PCDHA5: variants seen among roughly 807,000 people sequenced by gnomAD.
PCDHA5 encodes the protein protocadherin alpha 5.
In PCDHA5, 43 loss-of-function variants were observed where a neutral mutation model predicts 61.6. That is an observed-to-expected ratio of 0.70 (90% CI 0.55 to 0.90). The LOEUF (loss-of-function observed/expected upper bound fraction) is 0.90, where lower values mean the gene tolerates loss of function less well. Among genes scored for constraint, PCDHA5 ranks in the 40% least tolerant of loss-of-function variants. The probability of loss-of-function intolerance (pLI) is 0.00; values close to 1 mark genes in which losing one functional copy is unlikely to be tolerated. For missense variants in PCDHA5, 1,298 were observed against 1,222.7 expected (o/e 1.06, Z -0.92); for synonymous variants, 627 against 543.9 (o/e 1.15, Z -2.13).
rs560485194 is a variant in PCDHA5 at position 140,872,763 on chromosome 5, G to A, written c.2352+48636G>A. ...AACTTGCTAAAGACATGCATATAGG[G>A]CTATATTATCTATAATATATGCTAG... On this transcript the variant is annotated intron_variant, in intron 1 of 3. Coordinates refer to ENST00000529859, the MANE Select transcript of PCDHA5 (RefSeq NM_018908.3). 2.0e-5 allele frequency among the ~76,000 whole-genome samples: 3 copies of A among 152,126 alleles called. No homozygotes were observed. The South Asian group carries it at 6.2e-4, about 32-fold the overall frequency.
chr5:140,828,622 C>T lies in PCDHA5; in HGVS notation c.2352+4495C>T. 7.4e-6 allele frequency: 12 copies of T among 1,614,144 alleles called. 1 individual carries two copies. In the South Asian group the frequency reaches 1.3e-4, roughly 18 times the overall value. On this transcript the variant is annotated intron_variant, in intron 1 of 3. Transcript: ENST00000529859. ...CCTATAAACTCAGTTCTAGCGAATA[C>T]TTCGGGCTAGATGTGAAAATAAACA...
chr5:140,968,798 G>A, intron 1 of PCDHA5: 3 of 1,614,232 alleles, frequency 1.9e-6, no homozygotes, highest in Non-Finnish European at 2.5e-6. Context: ...GGCCATTACA[G>A]TAGCTGTGGT....
chr5:140,884,239 C>T, intron 1 of PCDHA5: 1 of 1,613,424 alleles, frequency 6.2e-7, no homozygotes, highest in Non-Finnish European at 8.5e-7. Context: ...ACGGTGAGCC[C>T]GCGCTGACGG....
chr5:140,869,247 C>A (rs1186478553), intron 1 of PCDHA5: 2 of 1,613,526 alleles, frequency 1.2e-6, no homozygotes, highest in Admixed American at 3.3e-5. Context: ...TGGGCCGCAT[C>A]GCGCAGGACC....
intron 1 of PCDHA5, among the ~76,000 whole-genome samples, chr5:140,847,056 A>T (rs1554141637): frequency 6.7e-6 from 1 of 149,850 alleles, no homozygotes; most frequent in South Asian, 2.1e-4. Flanking sequence ...GAAGACACAG[A>T]AAGCATCAAT....
chr5:140,910,346 G>C (rs2074987326), intron 1 of PCDHA5, among the ~76,000 whole-genome samples: 1 of 152,152 alleles, frequency 6.6e-6, no homozygotes, highest in Admixed American at 6.5e-5. Flanking sequence ...CTTTGCCTCT[G>C]CTGTCCATTA....
chr5:140,886,786 A>C (rs2061126610), intron 1 of PCDHA5, among the ~76,000 whole-genome samples: 1 of 150,390 alleles, frequency 6.6e-6, no homozygotes, highest in East Asian at 2.0e-4. Context: ...AGATCATGCT[A>C]CTGTACTCCA....
chr5:140,879,078 A>G (rs1168166013), intron 1 of PCDHA5, among the ~76,000 whole-genome samples: 3 of 152,342 alleles, frequency 2.0e-5, no homozygotes, highest in African/African-American at 7.2e-5. Flanking sequence ...TAAGAGAGAT[A>G]AGTAGGAACA....
At chr5:140,935,004 T>C (rs574626430) in intron 1 of PCDHA5, among the ~76,000 whole-genome samples, 1 of 152,340 alleles carries the variant, frequency 6.6e-6, no homozygotes, top group African/African-American at 2.4e-5. Flanking sequence ...ATCCTTTTCA[T>C]GTGAGTCTTA....
chr5:140,829,791 C>T (rs782412294), intron 1 of PCDHA5: 2 of 1,613,788 alleles, frequency 1.2e-6, no homozygotes, highest in South Asian at 2.2e-5. Context: ...GCGCTGCTGG[C>T]GCCTCGGGTG....
chr5:140,910,371 A>G (rs2153514600), intron 1 of PCDHA5, among the ~76,000 whole-genome samples: 1 of 152,246 alleles, frequency 6.6e-6, no homozygotes, highest in South Asian at 2.1e-4. Flanking sequence ...AGCTATGCCC[A>G]CCTTGCCTTT....
At chr5:141,007,019 A>G (rs1230035062) in intron 3 of PCDHA5, among the ~76,000 whole-genome samples, 1 of 152,192 alleles carries the variant, frequency 6.6e-6, no homozygotes, top group African/African-American at 2.4e-5. Flanking sequence ...CAGCTTATTC[A>G]TATGGTATTT....
Position 140,907,813 on chromosome 5 carries a change from G to A in PCDHA5, c.2353-71136G>A, listed in dbSNP as rs192249919. On this transcript the variant is annotated intron_variant, in intron 1 of 3. Coordinates refer to ENST00000529859, the MANE Select transcript of PCDHA5 (RefSeq NM_018908.3). ...AGAGGCTAAGTGGTGTCCACAGAACGAGTCATCCTATCCACTTGTTTATTA... is the reference window on the plus strand; with the variant it reads ...AGAGGCTAAGTGGTGTCCACAGAACAAGTCATCCTATCCACTTGTTTATTA... Among the ~76,000 whole-genome samples the A allele has an allele frequency of 2.7e-3, 406 of 152,332 alleles. 1 individual carries two copies. The highest frequency in any genetic ancestry group is 9.3e-3 in the African/African-American group (387 of 41,574).
chr5:141,001,867 A>C (rs2153971805), intron 3 of PCDHA5, among the ~76,000 whole-genome samples: 1 of 152,348 alleles, frequency 6.6e-6, no homozygotes, highest in Admixed American at 6.5e-5. Context: ...ATTGATGCCC[A>C]AAACCAAGAA....
At position 140,823,739 on chromosome 5, in the gene PCDHA5, AG is replaced by A; in HGVS notation, c.1965del (p.Glu655AspfsTer4). ...CTGGTGCTGGTGAAGGACCATGGAG[AG>A]CCCCCGCTGACAGCCACAGCCACAG... is the stretch of plus-strand genomic sequence containing the variant. ...RLLVLVKDHG[E>X]PPLTATATVL... On this transcript the variant is annotated frameshift_variant, in exon 1 of 4. Coordinates refer to ENST00000529859, the MANE Select transcript of PCDHA5 (RefSeq NM_018908.3). LOFTEE classifies it high-confidence loss of function. 1 of 1,613,790 alleles carries A rather than the reference AG, an allele frequency of 6.2e-7. No individual in the cohort carries two copies. Among genetic ancestry groups the A allele is most frequent in the Non-Finnish European group, 8.5e-7 (1 of 1,179,908 alleles).
chr5:140,896,721 T>C (rs774174943), intron 1 of PCDHA5, among the ~76,000 whole-genome samples: 1 of 152,176 alleles, frequency 6.6e-6, no homozygotes, highest in Non-Finnish European at 1.5e-5. Flanking sequence ...TGCTTGTTAA[T>C]TTGTTTAAGT....
chr5:140,892,941 A>G (rs1554185454), intron 1 of PCDHA5, among the ~76,000 whole-genome samples: 1 of 152,178 alleles, frequency 6.6e-6, no homozygotes, highest in African/African-American at 2.4e-5. Context: ...GATAAGCACA[A>G]TACTACTTCC....
chr5:140,989,686 C>T (rs534780216), intron 3 of PCDHA5, among the ~76,000 whole-genome samples: 2 of 152,254 alleles, frequency 1.3e-5, no homozygotes, highest in African/African-American at 4.8e-5. Flanking sequence ...TTCAAAGGAA[C>T]GTGAAAATTT....
At chr5:140,973,833 T>C (rs1332537198) in intron 1 of PCDHA5, among the ~76,000 whole-genome samples, 1 of 152,242 alleles carries the variant, frequency 6.6e-6, no homozygotes, top group Non-Finnish European at 1.5e-5. Context: ...TCTGGGTACT[T>C]GCTTGTTGCC....
Sources: gnomAD v4.1 joint callset for allele counts (sites outside exome capture counted in the v4.1 genomes callset) on GRCh38, gnomAD v4.1.1 for gene constraint, MANE v1.5 for transcripts, NCBI Gene and HGNC (gene_info 2026-07-23, HGNC 2026-07-21) for gene names.